Variants in DPP6 observed in about 807,000 individuals in gnomAD.
The protein encoded by DPP6 is A-type potassium channel modulatory protein DPP6.
Under a neutral mutation model 122.6 loss-of-function variants are expected in DPP6, and 69 were observed. The ratio of observed to expected loss-of-function variants is 0.56; its 90% CI spans 0.46 to 0.69. The LOEUF (loss-of-function observed/expected upper bound fraction) is 0.69. DPP6 is among the 30% of genes least tolerant of loss of function. DPP6 has a pLI of 0.00. For synonymous variants in DPP6, 418 were observed against 433.1 expected (o/e 0.97, Z 0.43); for missense variants, 928 against 1,116.9 (o/e 0.83, Z 2.41).
At chr7:153,790,812 C>T in the DPP6 span, among the ~76,000 whole-genome samples, 2 of 152,130 alleles carry the variant, frequency 1.3e-5, no homozygotes, top group Admixed American at 1.3e-4. Context: ...GCTGTAATCA[C>T]TTAATTAGAG....
At chr7:154,278,216 G>A (rs1804265077) in intron 1 of DPP6, among the ~76,000 whole-genome samples, 1 of 152,170 alleles carries the variant, frequency 6.6e-6, no homozygotes, top group Admixed American at 6.5e-5. Context: ...ACTCCATGCT[G>A]TATGAAGTCC....
chr7:153,832,925 G>A, the DPP6 span, among the ~76,000 whole-genome samples: 1 of 152,122 alleles, frequency 6.6e-6, no homozygotes, highest in East Asian at 1.9e-4. Flanking sequence ...AATCCCAAAT[G>A]CCTCCCCTTG....
the DPP6 span, among the ~76,000 whole-genome samples, chr7:153,753,484 C>A: frequency 2.0e-3 from 309 of 151,326 alleles, 1 homozygote; most frequent in Non-Finnish European, 3.4e-3. Context: ...TTTTTGCCAA[C>A]AAGGAATCTA....
At chr7:154,466,348 G>A (rs1254325331) in intron 2 of DPP6, among the ~76,000 whole-genome samples, 2 of 152,276 alleles carry the variant, frequency 1.3e-5, no homozygotes, top group East Asian at 3.9e-4. Flanking sequence ...AGAACTTAAA[G>A]TGTACTAAAA....
chr7:154,782,865 C>A (rs554719822), intron 10 of DPP6, among the ~76,000 whole-genome samples: 2 of 152,158 alleles, frequency 1.3e-5, no homozygotes, highest in East Asian at 1.9e-4. Flanking sequence ...CTCACTGCAA[C>A]CTCCGCCTCC....
chr7:154,811,758 A>G (rs569761458), intron 16 of DPP6, among the ~76,000 whole-genome samples: 3 of 152,194 alleles, frequency 2.0e-5, no homozygotes, highest in Non-Finnish European at 2.9e-5. Context: ...CGTTTAGTCA[A>G]TGCTCATGTC....
At chr7:154,256,208 T>C (rs1479519576) in intron 1 of DPP6, among the ~76,000 whole-genome samples, 1 of 152,202 alleles carries the variant, frequency 6.6e-6, no homozygotes, top group Non-Finnish European at 1.5e-5. Flanking sequence ...GAATAAATTA[T>C]TGGATTGGCT....
At chr7:154,784,952 C>G (rs1172112076) in intron 10 of DPP6, among the ~76,000 whole-genome samples, 1 of 152,016 alleles carries the variant, frequency 6.6e-6, no homozygotes, top group African/African-American at 2.4e-5. Flanking sequence ...TCTTGAGGAG[C>G]TTGAAAAAAA....
intron 5 of DPP6, among the ~76,000 whole-genome samples, chr7:154,583,945 CCTT>C (rs1383907728): frequency 6.6e-6 from 1 of 152,182 alleles, no homozygotes; most frequent in East Asian, 1.9e-4. Flanking sequence ...TGGCTAGAGA[CCTT>C]CTGTCTCCCT....
At chr7:154,016,599 CA>C (rs1366867975) in intron 1 of DPP6, among the ~76,000 whole-genome samples, 1 of 151,914 alleles carries the variant, frequency 6.6e-6, no homozygotes, top group Non-Finnish European at 1.5e-5. Flanking sequence ...CCCAAGTCTA[CA>C]AAGGTTTTTG....
At chr7:154,656,067 A>G (rs1837218571) in intron 6 of DPP6, among the ~76,000 whole-genome samples, 1 of 151,590 alleles carries the variant, frequency 6.6e-6, no homozygotes, top group South Asian at 2.1e-4. Context: ...ACAGTGACAG[A>G]GAAGGGTGTG....
intron 1 of DPP6, among the ~76,000 whole-genome samples, chr7:154,019,591 C>T (rs1798602902): frequency 6.6e-6 from 1 of 152,128 alleles, no homozygotes; most frequent in Admixed American, 6.6e-5. Context: ...CCAGAGATGT[C>T]TTATTACGAA....
the DPP6 span, among the ~76,000 whole-genome samples, chr7:153,790,082 C>T: frequency 6.6e-6 from 1 of 151,910 alleles, no homozygotes; most frequent in African/African-American, 2.4e-5. Flanking sequence ...ATTTCAGTAA[C>T]TAACTTTTAT....
intron 1 of DPP6, among the ~76,000 whole-genome samples, chr7:154,105,123 T>C (rs1806058507): frequency 6.6e-6 from 1 of 152,166 alleles, no homozygotes; most frequent in Non-Finnish European, 1.5e-5. Flanking sequence ...TGAGACTCTG[T>C]CTAAAAAACA....
At chr7:154,078,699 G>A in intron 1 of DPP6, among the ~76,000 whole-genome samples, 1 of 152,074 alleles carries the variant, frequency 6.6e-6, no homozygotes, top group Non-Finnish European at 1.5e-5. Context: ...GCCAACTCCT[G>A]AAAAATAATG....
chr7:154,640,695 C>T (rs1224526870), intron 6 of DPP6, among the ~76,000 whole-genome samples: 1 of 152,048 alleles, frequency 6.6e-6, no homozygotes, highest in East Asian at 1.9e-4. Context: ...AAGAACACAG[C>T]CCGGAGCTCT....
intron 16 of DPP6, among the ~76,000 whole-genome samples, chr7:154,808,200 A>T (rs1798819334): frequency 1.3e-5 from 2 of 152,346 alleles, no homozygotes; most frequent in South Asian, 4.2e-4. Context: ...AATAACTTTT[A>T]TCAGAGCAAT....
intron 1 of DPP6, among the ~76,000 whole-genome samples, chr7:154,172,441 C>A (rs1167271638): frequency 6.6e-6 from 1 of 152,168 alleles, no homozygotes; most frequent in East Asian, 1.9e-4. Flanking sequence ...GTTAGAATCT[C>A]TGCATGTTGT....
At chr7:154,613,367 C>T (rs1231100187) in intron 5 of DPP6, among the ~76,000 whole-genome samples, 1 of 151,972 alleles carries the variant, frequency 6.6e-6, no homozygotes, top group Admixed American at 6.6e-5. Flanking sequence ...CACGTATAAT[C>T]CCAGCATTTT....
Sources: gnomAD v4.1 joint callset for allele counts (sites outside exome capture counted in the v4.1 genomes callset) on GRCh38, gnomAD v4.1.1 for gene constraint, MANE v1.5 for transcripts, NCBI Gene and HGNC (gene_info 2026-07-23, HGNC 2026-07-21) for gene names.